Variants in WDR27 observed in about 807,000 individuals in gnomAD.
WDR27 encodes the protein WD repeat-containing protein 27.
In WDR27, 100 loss-of-function variants were observed where a neutral mutation model predicts 114.4. The observed-to-expected ratio is 0.87, with a 90% confidence interval of 0.74 to 1.03. The LOEUF (loss-of-function observed/expected upper bound fraction) is 1.03. Ranked by LOEUF, WDR27 falls within the 50% of genes least tolerant of loss-of-function variation. The pLI is 0.00. For synonymous variants in WDR27, 449 were observed against 423.1 expected (o/e 1.06, Z -0.75); for missense variants, 1,129 against 1,092.9 (o/e 1.03, Z -0.47).
At chr6:169,499,240 C>T (rs1412571945) in intron 25 of WDR27, among the ~76,000 whole-genome samples, 23 of 152,202 alleles carry the variant, frequency 1.5e-4, no homozygotes, top group Admixed American at 1.5e-3. Flanking sequence ...CTCCCGGAGC[C>T]CAGCGTCAGC....
At chr6:169,474,441 G>A (rs55671044) in intron 25 of WDR27, among the ~76,000 whole-genome samples, 4,652 of 152,166 alleles carry the variant, frequency 0.031, 217 homozygotes, top group African/African-American at 0.1. Context: ...TTAGAAACAT[G>A]GTAAAAGAAA....
At chr6:169,613,765 A>T in intron 21 of WDR27, 109 bp from the exon 22 acceptor site, 1 of 1,000,170 alleles carries the variant, frequency 1.0e-6, no homozygotes, top group Non-Finnish European at 1.4e-6. Context: ...ATTAACACAA[A>T]GTTTTTTTCT....
At position 169,672,459 on chromosome 6, in the gene WDR27, A is replaced by G. The variant is rs183771769; in HGVS notation, c.190-63T>C. On this transcript the variant is annotated intron_variant, in intron 2 of 25. Transcript: ENST00000448612. ...CATTTAAAAATAAGAGTATAACAAC[A>G]TAACTTCAAACCTAAGAAATTAAAA... 8.6e-5 allele frequency: 123 copies of G among 1,433,198 alleles called. No individual in the cohort carries two copies. In the East Asian group the frequency reaches 1.3e-3, roughly 15 times the overall value. The allele number at this position is 1,433,198 out of a possible 1,614,324, so 88.8% of individuals were successfully genotyped here. A position where few individuals can be genotyped will look rare whatever the true frequency, so the allele number is the denominator to read the frequency against.
At chr6:169,460,278 T>C (rs1784756574) in intron 25 of WDR27, among the ~76,000 whole-genome samples, 1 of 152,190 alleles carries the variant, frequency 6.6e-6, no homozygotes, top group African/African-American at 2.4e-5. Context: ...AAAAATGTAA[T>C]TTTGTGATAT....
At chr6:169,661,954 T>G (rs1826250395) in intron 9 of WDR27, among the ~76,000 whole-genome samples, 2 of 152,234 alleles carry the variant, frequency 1.3e-5, no homozygotes, top group South Asian at 4.1e-4. Context: ...GGGTTAACTT[T>G]AAATGTGTAA....
intron 25 of WDR27, among the ~76,000 whole-genome samples, chr6:169,522,964 G>A (rs977334305): frequency 3.3e-5 from 5 of 151,748 alleles, no homozygotes; most frequent in Non-Finnish European, 5.9e-5. Flanking sequence ...ATAAAGATCA[G>A]AGGAAAAATA....
At chr6:169,611,661 AT>A (rs1562692063) in intron 22 of WDR27, among the ~76,000 whole-genome samples, 1 of 152,118 alleles carries the variant, frequency 6.6e-6, no homozygotes, top group Non-Finnish European at 1.5e-5. Context: ...GCTTTTTTCT[AT>A]TTTGAGCTTT....
chr6:169,528,655 T>C (rs1027330754), intron 25 of WDR27, among the ~76,000 whole-genome samples: 3 of 152,312 alleles, frequency 2.0e-5, no homozygotes, highest in Admixed American at 6.5e-5. Context: ...ACCTCCCAAA[T>C]AGCTGGGATT....
intron 25 of WDR27, among the ~76,000 whole-genome samples, chr6:169,470,658 G>T (rs1210961336): frequency 1.3e-5 from 2 of 152,190 alleles, no homozygotes; most frequent in East Asian, 3.9e-4. Context: ...AGACAGAAGA[G>T]AGATCTTTCT....
intron 25 of WDR27, among the ~76,000 whole-genome samples, chr6:169,540,539 C>T (rs368083702): frequency 6.1e-4 from 92 of 152,028 alleles, no homozygotes; most frequent in African/African-American, 2.2e-3. Flanking sequence ...AAGCAATTCT[C>T]CTGCCTCAGC....
chr6:169,472,919 T>C (rs970628700), intron 25 of WDR27, among the ~76,000 whole-genome samples: 18 of 152,248 alleles, frequency 1.2e-4, no homozygotes, highest in African/African-American at 4.3e-4. Flanking sequence ...ACACACATTC[T>C]AGATTTTTTT....
At chr6:169,492,781 T>C (rs951881571) in intron 25 of WDR27, among the ~76,000 whole-genome samples, 3 of 152,074 alleles carry the variant, frequency 2.0e-5, no homozygotes, top group African/African-American at 7.2e-5. Context: ...AAAACTCTAA[T>C]TGACAACAGC....
At chr6:169,629,173 A>G (rs1815656385) in intron 21 of WDR27, among the ~76,000 whole-genome samples, 1 of 152,232 alleles carries the variant, frequency 6.6e-6, no homozygotes, top group South Asian at 2.1e-4. Context: ...TTGGTTAGCT[A>G]AAGTTAAAAG....
the WDR27 span, among the ~76,000 whole-genome samples, chr6:169,440,005 C>G: frequency 8.0e-5 from 12 of 150,516 alleles, no homozygotes; most frequent in African/African-American, 3.0e-4. Context: ...CTCATACATA[C>G]TGAAGATAAA....
chr6:169,493,620 T>C (rs1195070928), intron 25 of WDR27, among the ~76,000 whole-genome samples: 1 of 152,132 alleles, frequency 6.6e-6, no homozygotes, highest in Non-Finnish European at 1.5e-5. Flanking sequence ...TGTTATGAAA[T>C]AGTAATTGAA....
chr6:169,654,589 G>A (rs966334591), intron 13 of WDR27, among the ~76,000 whole-genome samples: 5 of 152,238 alleles, frequency 3.3e-5, no homozygotes, highest in African/African-American at 4.8e-5. Context: ...CCCACTCCCA[G>A]CCGGTTTCCA....
At chr6:169,533,938 C>A (rs1795918930) in intron 25 of WDR27, among the ~76,000 whole-genome samples, 1 of 152,076 alleles carries the variant, frequency 6.6e-6, no homozygotes, top group South Asian at 2.1e-4. Context: ...CAATGATGAA[C>A]AGAAGTGGTG....
chr6:169,577,217 G>T (rs1403391956), intron 24 of WDR27, among the ~76,000 whole-genome samples: 2 of 152,206 alleles, frequency 1.3e-5, no homozygotes, highest in Non-Finnish European at 2.9e-5. Context: ...CCGGGTGGGT[G>T]CTGCGAGGGC....
intron 2 of WDR27, among the ~76,000 whole-genome samples, chr6:169,688,036 C>A (rs1783475488): frequency 6.6e-6 from 1 of 152,014 alleles, no homozygotes; most frequent in African/African-American, 2.4e-5. Context: ...GGTCTACTTA[C>A]ATAAGTAGAA....
Sources: allele counts gnomAD v4.1 joint callset (sites outside exome capture counted in the v4.1 genomes callset), GRCh38; gene constraint gnomAD v4.1.1; transcripts MANE v1.5; gene names NCBI Gene and HGNC (gene_info 2026-07-23, HGNC 2026-07-21).